PIWIL1: variants seen among roughly 807,000 people sequenced by gnomAD.
PIWIL1 encodes piwi like RNA-mediated gene silencing 1.
A neutral mutation model predicts 114.4 loss-of-function variants in PIWIL1; 73 were observed. The observed-to-expected ratio is 0.64, with a 90% CI of 0.53 to 0.78. The LOEUF is 0.78. Ranked by LOEUF, PIWIL1 falls within the 30% of genes least tolerant of loss-of-function variation. PIWIL1 has a pLI of 0.00. For synonymous variants in PIWIL1, 375 were observed against 369.0 expected (o/e 1.02, Z -0.19); for missense variants, 723 against 1,063.1 (o/e 0.68, Z 4.45).
the PIWIL1 span, among the ~76,000 whole-genome samples, chr12:130,415,980 A>ACACACACAC: frequency 3.7e-4 from 55 of 149,434 alleles, no homozygotes; most frequent in African/African-American, 1.1e-3. Context: ...CACACACACA[A>ACACACACAC]AATATACAGA....
At chr12:130,391,000 G>C in the PIWIL1 span, among the ~76,000 whole-genome samples, 4 of 152,024 alleles carry the variant, frequency 2.6e-5, no homozygotes, top group African/African-American at 9.7e-5. Context: ...TGGAAAATCA[G>C]AGTCCCAGCA....
At chr12:130,353,287 GTTC>G (rs971309499) in intron 9 of PIWIL1, among the ~76,000 whole-genome samples, 3 of 132,294 alleles carry the variant, frequency 2.3e-5, no homozygotes, top group African/African-American at 5.5e-5. Context: ...GTGGTTTTTT[GTTC>G]TTCTGGTGTG....
chr12:130,424,386 C>T, the PIWIL1 span: 205 of 1,232,676 alleles, frequency 1.7e-4, no homozygotes, highest in African/African-American at 6.0e-4. The surrounding 1 kb of genome is among the most constrained non-coding windows in gnomAD (Gnocchi z 9.8). Flanking sequence ...GGTCAGCGTC[C>T]GCCGCCGGGC....
the PIWIL1 span, among the ~76,000 whole-genome samples, chr12:130,422,765 G>A: frequency 9.8e-4 from 149 of 152,352 alleles, 1 homozygote; most frequent in African/African-American, 3.5e-3. The surrounding 1 kb of genome is among the most constrained non-coding windows in gnomAD (Gnocchi z 5.2). Context: ...GCTGCTGGGC[G>A]CATGGTGGGG....
At chr12:130,381,758 G>A in the PIWIL1 span, among the ~76,000 whole-genome samples, 2 of 152,150 alleles carry the variant, frequency 1.3e-5, no homozygotes, top group African/African-American at 4.8e-5. Flanking sequence ...GTACCATTTT[G>A]CATTCCCATC....
the PIWIL1 span, among the ~76,000 whole-genome samples, chr12:130,391,612 G>C: frequency 1.3e-5 from 2 of 152,206 alleles, no homozygotes; most frequent in Non-Finnish European, 2.9e-5. Context: ...AAATGGAATA[G>C]GGATTGTGAA....
chr12:130,373,895 C>A (rs568653191), downstream of PIWIL1, among the ~76,000 whole-genome samples: 4 of 152,090 alleles, frequency 2.6e-5, no homozygotes, highest in African/African-American at 9.7e-5. Flanking sequence ...GCAAAGACTC[C>A]GTGAAATCCC....
the PIWIL1 span, among the ~76,000 whole-genome samples, chr12:130,409,638 C>T: frequency 2.0e-5 from 3 of 152,128 alleles, no homozygotes; most frequent in Non-Finnish European, 2.9e-5. Flanking sequence ...CCACTGCGCC[C>T]GGCCCAGAAT....
Position 130,354,612 on chromosome 12 carries a change from G to T in PIWIL1, c.1120G>T (p.Gly374Trp). The change falls in exon 10 of 21, where the codon GGG (glycine) becomes TGG (tryptophan). Residue 374 changes from glycine (G) to tryptophan (W), a missense_variant. Physicochemically the swap from Gly to Trp is radical, Grantham distance 184. Transcript: ENST00000245255. Reference sequence around the variant, plus strand: ...GCCCAAGAGAAGGCGGGGCCCTGGGGGGACACTGCCAGGGCCTGCCATGCT... The same window carrying T: ...GCCCAAGAGAAGGCGGGGCCCTGGGTGGACACTGCCAGGGCCTGCCATGCT... ...SQPKRRRGPG[G>W]TLPGPAMLIP... 1 of 1,612,626 alleles carries T rather than the reference G, an allele frequency of 6.2e-7. No homozygotes were observed. Among genetic ancestry groups the T allele is most frequent in the Non-Finnish European group, 8.5e-7 (1 of 1,179,600 alleles).
chr12:130,391,339 C>T, the PIWIL1 span, among the ~76,000 whole-genome samples: 4 of 152,242 alleles, frequency 2.6e-5, no homozygotes, highest in Non-Finnish European at 5.9e-5. Context: ...CCTTTTCCCT[C>T]ACAGTGTGTG....
chr12:130,353,048 C>G (rs536258357), intron 9 of PIWIL1, among the ~76,000 whole-genome samples: 3 of 152,328 alleles, frequency 2.0e-5, no homozygotes, highest in Middle Eastern at 6.8e-3. Context: ...GTGGCCAGGA[C>G]CTTGCCATAT....
intron 1 of PIWIL1, among the ~76,000 whole-genome samples, chr12:130,339,880 A>C (rs370569473): frequency 1.3e-5 from 2 of 152,158 alleles, no homozygotes; most frequent in African/African-American, 4.8e-5. Context: ...GGCTTTGAGA[A>C]CTGACGTGCT....
chr12:130,423,234 AG>A, the PIWIL1 span, among the ~76,000 whole-genome samples: 1 of 152,200 alleles, frequency 6.6e-6, no homozygotes, highest in African/African-American at 2.4e-5. Flanking sequence ...GGAAGTTCTC[AG>A]GAACACAGGC....
At position 130,346,997 on chromosome 12, in the gene PIWIL1, T is replaced by G; in HGVS notation, c.588T>G (p.Thr196=). Residue 196 remains threonine, a synonymous_variant, in exon 6 of 21, where the codon ACT becomes ACG. Coordinates refer to ENST00000245255, the MANE Select transcript of PIWIL1 (RefSeq NM_004764.5). ...RNGEDVRITI[T]LTNELPPTSP... ...GAGAGGATGTGAGGATAACGATCAC[T>G]TTAACAAATGAACTTCCACCTACAT... 6.2e-7 allele frequency: 1 copy of G among 1,613,946 alleles called. No individual in the cohort carries two copies. Among genetic ancestry groups the G allele is most frequent in the Non-Finnish European group, 8.5e-7 (1 of 1,179,848 alleles).
intron 19 of PIWIL1, 82 bp from the exon 20 acceptor site, chr12:130,371,094 G>T: frequency 8.9e-7 from 1 of 1,126,716 alleles, no homozygotes; most frequent in Non-Finnish European, 1.3e-6. Flanking sequence ...AGTGAAGAGT[G>T]GTACAGAGCT....
chr12:130,365,675 A>G (rs970951506), intron 18 of PIWIL1, among the ~76,000 whole-genome samples: 11 of 152,210 alleles, frequency 7.2e-5, no homozygotes, highest in Non-Finnish European at 1.3e-4. Context: ...TTTTGTTACT[A>G]TATTTGCTAA....
the PIWIL1 span, chr12:130,422,684 CTGAAAGG>C: frequency 1.5e-6 from 1 of 685,810 alleles, no homozygotes; most frequent in Non-Finnish European, 2.5e-6. The surrounding 1 kb of genome is among the most constrained non-coding windows in gnomAD (Gnocchi z 5.2). Context: ...TAGCTTTTAA[CTGAAAGG>C]TTAGCTGAAT....
chr12:130,370,811 G>A (rs1196498134), intron 19 of PIWIL1, among the ~76,000 whole-genome samples: 1 of 152,194 alleles, frequency 6.6e-6, no homozygotes, highest in Non-Finnish European at 1.5e-5. Flanking sequence ...CCCACAGGTC[G>A]TGCTTCCAGA....
intron 14 of PIWIL1, among the ~76,000 whole-genome samples, chr12:130,358,088 G>A (rs376987079): frequency 5.9e-5 from 9 of 152,288 alleles, no homozygotes; most frequent in East Asian, 5.8e-4. Context: ...ACCTGCAAAC[G>A]TGTTGTTGTT....
Sources: allele counts gnomAD v4.1 joint callset (sites outside exome capture counted in the v4.1 genomes callset), GRCh38; gene constraint gnomAD v4.1.1; non-coding constraint Gnocchi (gnomAD v3.1); transcripts MANE v1.5; gene names NCBI Gene and HGNC (gene_info 2026-07-23, HGNC 2026-07-21).